The following FAM72C variants were observed in gnomAD, a reference collection of about 807,000 sequenced individuals.
FAM72C encodes RUMY family member 3, also known as protein FAM72C.
In FAM72C, 1 loss-of-function variant was observed where a neutral mutation model predicts 5.2. That is an observed-to-expected ratio of 0.19 (90% CI 0.07 to 0.91). FAM72C has a LOEUF of 0.91. Among genes scored for constraint, FAM72C ranks in the 40% least tolerant of loss-of-function variants. The pLI is 0.66. For missense variants in FAM72C, 4 were observed against 66.0 expected, an observed-to-expected ratio of 0.06 and a Z score of 3.25; for synonymous variants, 1 against 21.8, an observed-to-expected ratio of 0.05 and a Z score of 2.66.
At position 143,967,410 on chromosome 1, in the gene FAM72C, A is replaced by G. The variant is rs1230198347; in HGVS notation, c.230+1514T>C. Reference sequence around the variant, plus strand: ...GGAGATTCGCTTGAACCTGGGAGGCAGAGGTTGCAGTAAGCTGAGATCGTG... The same window carrying G: ...GGAGATTCGCTTGAACCTGGGAGGCGGAGGTTGCAGTAAGCTGAGATCGTG... On this transcript the variant is annotated intron_variant, in intron 2 of 3. Transcript: ENST00000584486. Among the ~76,000 whole-genome samples the G allele has an allele frequency of 2.8e-4, 40 of 142,736 alleles. 1 individual carries two copies. The highest frequency in any genetic ancestry group is 5.6e-4 in the Admixed American group (8 of 14,338). 93.6% of individuals were successfully genotyped at this position (142,736 alleles called of 152,430 possible). A position where few individuals can be genotyped will look rare whatever the true frequency, so the allele number is the denominator to read the frequency against.
At chr1:143,962,384 A>C in intron 3 of FAM72C, among the ~76,000 whole-genome samples, 1 of 118,204 alleles carries the variant, frequency 8.5e-6, no homozygotes, top group Non-Finnish European at 1.8e-5. Context: ...CTCACTTCAA[A>C]CTCCACCTCC....
rs1455153790 is a variant in FAM72C, at chr1:143,955,632, A to C, written c.*755T>G. The C allele has an allele frequency of 7.1e-6, 1 of 141,456 alleles. No individual in the cohort carries two copies. The highest frequency in any genetic ancestry group is 1.5e-5 in the Non-Finnish European group (1 of 65,126). The allele number at this position is 141,456 out of a possible 1,614,324, so 8.8% of individuals were successfully genotyped here. ...GCTTTAGTTTTTTTTTCTATTTAAG[A>C]TTTAGGACAGACTACTCGTCTAAAA... On this transcript the variant is annotated 3_prime_UTR_variant, in exon 4 of 4. Coordinates refer to ENST00000584486, the MANE Select transcript of FAM72C (RefSeq NM_001287385.2).
intron 3 of FAM72C, among the ~76,000 whole-genome samples, chr1:143,958,182 G>GTT (rs1661493461): frequency 7.4e-6 from 1 of 135,650 alleles, no homozygotes; most frequent in African/African-American, 2.7e-5. Flanking sequence ...ACTACATATT[G>GTT]TTTTCTAATT....
intron 2 of FAM72C, among the ~76,000 whole-genome samples, chr1:143,967,606 G>C (rs1285124128): frequency 7.8e-6 from 1 of 128,270 alleles, no homozygotes; most frequent in East Asian, 2.1e-4. Context: ...TACAAGTATA[G>C]CTTAAATAAA....
At chr1:143,967,344 G>A (rs1570993235) in intron 2 of FAM72C, among the ~76,000 whole-genome samples, 1 of 144,844 alleles carries the variant, frequency 6.9e-6, no homozygotes, top group African/African-American at 2.6e-5. Flanking sequence ...TGGGCATGGT[G>A]GTGCGTGCCT....
chr1:143,960,362 C>G (rs1361696779), intron 3 of FAM72C, among the ~76,000 whole-genome samples: 1 of 74,934 alleles, frequency 1.3e-5, no homozygotes, highest in Non-Finnish European at 2.6e-5. Flanking sequence ...GCCGAGATCA[C>G]GCCACTGCTC....
chr1:143,967,314 C>T (rs1334076252), intron 2 of FAM72C, among the ~76,000 whole-genome samples: 2 of 144,858 alleles, frequency 1.4e-5, no homozygotes, highest in Non-Finnish European at 3.1e-5. Flanking sequence ...CCTGTCTCTA[C>T]TAAAATATGA....
chr1:143,957,617 CT>C (rs1244763857), intron 3 of FAM72C, among the ~76,000 whole-genome samples: 83 of 134,104 alleles, frequency 6.2e-4, no homozygotes, highest in African/African-American at 8.1e-4. Context: ...AAAAGCAAAT[CT>C]TTTTTTTTTT....
chr1:143,960,937 G>C (rs1661607930), intron 3 of FAM72C, among the ~76,000 whole-genome samples: 1 of 133,436 alleles, frequency 7.5e-6, no homozygotes, highest in Admixed American at 7.5e-5. Flanking sequence ...AGGTTCAAGG[G>C]GGGTTTCATC....
At chr1:143,967,238 G>C (rs1275486912) in intron 2 of FAM72C, among the ~76,000 whole-genome samples, 1 of 146,020 alleles carries the variant, frequency 6.8e-6, no homozygotes, top group Non-Finnish European at 1.5e-5. Flanking sequence ...AGCACTTAGG[G>C]AGGCCAAGGC....
intron 2 of FAM72C, among the ~76,000 whole-genome samples, chr1:143,967,022 C>A (rs1482483183): frequency 6.9e-6 from 1 of 144,156 alleles, no homozygotes; most frequent in African/African-American, 2.6e-5. Flanking sequence ...AGCAAGACTC[C>A]GTCTCAAAGC....
Position 143,966,901 on chromosome 1 carries a change from G to A in FAM72C, c.231-1922C>T, listed in dbSNP as rs1661788618. 1.4e-5 allele frequency among the ~76,000 whole-genome samples: 2 copies of A among 142,664 alleles called. 1 individual carries two copies. The highest frequency in any genetic ancestry group is 5.3e-5 in the African/African-American group (2 of 37,714). 93.6% of individuals were successfully genotyped at this position (142,664 alleles called of 152,430 possible). ...AAATTAACTGGGCATGGTGGCACGT[G>A]CCTGTAGTCCCAGCTACTCAGGAGG... On this transcript the variant is annotated intron_variant, in intron 2 of 3. Transcript: ENST00000584486.
rs1476244712 is a variant in FAM72C at position 143,963,794 on chromosome 1, T to C, written c.355+1061A>G. Among the ~76,000 whole-genome samples, 4 of 140,210 alleles carry C rather than the reference T, an allele frequency of 2.9e-5. 1 individual carries two copies. Among genetic ancestry groups the C allele is most frequent in the Non-Finnish European group, 6.2e-5 (4 of 64,122 alleles). The allele number at this position is 140,210 out of a possible 152,430, so 92.0% of individuals were successfully genotyped here. A position where few individuals can be genotyped will look rare whatever the true frequency, so the allele number is the denominator to read the frequency against. On this transcript the variant is annotated intron_variant, in intron 3 of 3. Transcript: ENST00000584486. The stretch of plus-strand genomic sequence containing the variant: ...GACTTGCTGAAGGTTCAGATGATCA[T>C]TAGCAGTTTTTAGCAATAAAGCATT...
chr1:143,967,651 C>A (rs1430416872), intron 2 of FAM72C, among the ~76,000 whole-genome samples: 1 of 116,410 alleles, frequency 8.6e-6, no homozygotes, highest in Non-Finnish European at 1.8e-5. Context: ...GAAGAGCTTG[C>A]CAATTTAAAT....
At chr1:143,960,939 G>A (rs1488306678) in intron 3 of FAM72C, among the ~76,000 whole-genome samples, 1 of 133,114 alleles carries the variant, frequency 7.5e-6, no homozygotes, top group Admixed American at 7.6e-5. Context: ...GTTCAAGGGG[G>A]GTTTCATCAT....
At chr1:143,966,687 G>C (rs1457073560) in intron 2 of FAM72C, among the ~76,000 whole-genome samples, 1 of 141,590 alleles carries the variant, frequency 7.1e-6, no homozygotes, top group Non-Finnish European at 1.6e-5. Flanking sequence ...CATTGGGTTA[G>C]ACAAAATATA....
rs1437535671 is a variant in FAM72C, at chr1:143,967,152, G to C, written c.230+1772C>G. 3.6e-4 allele frequency among the ~76,000 whole-genome samples: 53 copies of C among 145,638 alleles called. 4 individuals carry two copies. Among genetic ancestry groups the C allele is most frequent in the Admixed American group, 3.6e-3 (52 of 14,554 alleles). On this transcript the variant is annotated intron_variant, in intron 2 of 3. Transcript: ENST00000584486. The stretch of plus-strand genomic sequence containing the variant: ...AGTTTGAGACCAGCCTGGCTAACAT[G>C]GCGAAATCCCGTCTCTACTAAAAAT...
rs1268503893 is a variant in FAM72C at position 143,967,405 on chromosome 1, G to C, written c.230+1519C>G. On this transcript the variant is annotated intron_variant, in intron 2 of 3. Transcript: ENST00000584486. ...AGGCAGGAGATTCGCTTGAACCTGG[G>C]AGGCAGAGGTTGCAGTAAGCTGAGA... is the stretch of plus-strand genomic sequence containing the variant. Among the ~76,000 whole-genome samples the C allele has an allele frequency of 4.9e-5, 7 of 143,072 alleles. 1 individual carries two copies. The highest frequency in any genetic ancestry group is 1.8e-4 in the African/African-American group (7 of 38,406). The allele number at this position is 143,072 out of a possible 152,430, so 93.9% of individuals were successfully genotyped here.
intron 2 of FAM72C, among the ~76,000 whole-genome samples, chr1:143,965,884 G>A (rs1661759299): frequency 7.9e-6 from 1 of 125,952 alleles, no homozygotes; most frequent in African/African-American, 2.9e-5. Context: ...CTGATTATAA[G>A]TACCTCAGTC....
Sources: gnomAD v4.1 joint callset for allele counts (sites outside exome capture counted in the v4.1 genomes callset) on GRCh38, gnomAD v4.1.1 for gene constraint, MANE v1.5 for transcripts, NCBI Gene and HGNC (gene_info 2026-07-23, HGNC 2026-07-21) for gene names.